ABCC4: variants seen among roughly 807,000 people sequenced by gnomAD.
The protein encoded by ABCC4 is ATP-binding cassette sub-family C member 4.
ABCC4 carries 102 observed loss-of-function variants against 168.5 expected under a neutral mutation model. The observed-to-expected ratio is 0.61, with a 90% CI of 0.52 to 0.71. ABCC4 has a LOEUF of 0.71. ABCC4 is among the 30% of genes least tolerant of loss of function. The pLI is 0.00. For synonymous variants in ABCC4, 617 were observed against 590.7 expected, an observed-to-expected ratio of 1.04 and a Z score of -0.65; for missense variants, 1,402 against 1,605.8, an observed-to-expected ratio of 0.87 and a Z score of 2.17.
At chr13:95,163,974 G>C (rs1162897651) in intron 16 of ABCC4, among the ~76,000 whole-genome samples, 1 of 148,492 alleles carries the variant, frequency 6.7e-6, no homozygotes, top group Non-Finnish European at 1.5e-5. Flanking sequence ...CCCAGAGGCA[G>C]AGGTTGAAGT....
intron 4 of ABCC4, among the ~76,000 whole-genome samples, chr13:95,214,203 G>A (rs954342412): frequency 1.4e-4 from 22 of 152,054 alleles, no homozygotes; most frequent in African/African-American, 4.8e-4. Flanking sequence ...TCCCAGAGTC[G>A]CTAACCCTTC....
At position 95,080,324 on chromosome 13, in the gene ABCC4, A is replaced by G. The variant is rs1279844525; in HGVS notation, c.2686+2816T>C. On this transcript the variant is annotated intron_variant, in intron 21 of 30. Transcript: ENST00000645237. ...CATTCCGGTTTTTATGTACTTCTCT[A>G]TGACTGACTGTTGATGTGGTGACTC... is the stretch of plus-strand genomic sequence containing the variant. Among the ~76,000 whole-genome samples the G allele has an allele frequency of 2.0e-5, 3 of 152,194 alleles. No individual in the cohort carries two copies. The South Asian group carries it at 6.2e-4, about 31-fold the overall frequency.
chr13:95,168,798 T>C (rs1001792247), intron 14 of ABCC4, among the ~76,000 whole-genome samples: 1 of 152,162 alleles, frequency 6.6e-6, no homozygotes, highest in African/African-American at 2.4e-5. Context: ...CTAACCTCCA[T>C]GTCCCCGGCC....
chr13:95,245,538 G>T (rs2040082698), intron 3 of ABCC4, among the ~76,000 whole-genome samples: 1 of 152,208 alleles, frequency 6.6e-6, no homozygotes, highest in Non-Finnish European at 1.5e-5. Context: ...GTTGAAGAGG[G>T]GCTGGGAGAA....
At chr13:95,296,174 ACAC>A (rs1566609458) in intron 1 of ABCC4, among the ~76,000 whole-genome samples, 6 of 85,692 alleles carry the variant, frequency 7.0e-5, no homozygotes, top group African/African-American at 2.4e-4. Context: ...ACACACACAC[ACAC>A]ACACACAAAA....
intron 8 of ABCC4, among the ~76,000 whole-genome samples, chr13:95,200,964 TGAAGGA>T (rs1231901457): frequency 3.9e-5 from 6 of 152,264 alleles, no homozygotes; most frequent in African/African-American, 1.4e-4. Context: ...AACACCACCA[TGAAGGA>T]GTTTACCATA....
At chr13:95,249,670 T>C (rs2040204922) in intron 1 of ABCC4, among the ~76,000 whole-genome samples, 1 of 152,304 alleles carries the variant, frequency 6.6e-6, no homozygotes, top group South Asian at 2.1e-4. Context: ...TTCCCAGACA[T>C]GCCTGAGATG....
chr13:95,133,416 T>C (rs2036041984), intron 19 of ABCC4, among the ~76,000 whole-genome samples: 1 of 152,004 alleles, frequency 6.6e-6, no homozygotes, highest in South Asian at 2.1e-4. Flanking sequence ...ACCCAGTCCC[T>C]AAAAACATTT....
chr13:95,188,105 C>T (rs1217384225), intron 10 of ABCC4, among the ~76,000 whole-genome samples: 1 of 152,186 alleles, frequency 6.6e-6, no homozygotes, highest in African/African-American at 2.4e-5. Context: ...TCATAACCTC[C>T]AGATGTCTTG....
chr13:95,290,129 T>TAGAC (rs1300233500), intron 1 of ABCC4, among the ~76,000 whole-genome samples: 1 of 151,228 alleles, frequency 6.6e-6, no homozygotes, highest in Non-Finnish European at 1.5e-5. Context: ...GATAGATAGA[T>TAGAC]AGATAGATAG....
intron 1 of ABCC4, among the ~76,000 whole-genome samples, chr13:95,288,733 A>C (rs2041321273): frequency 6.6e-6 from 1 of 152,080 alleles, no homozygotes. Context: ...TTGAACCCAG[A>C]AGGTGGAGGT....
chr13:95,209,127 A>AAATT (rs2038874953), intron 6 of ABCC4, among the ~76,000 whole-genome samples: 1 of 152,250 alleles, frequency 6.6e-6, no homozygotes, highest in Non-Finnish European at 1.5e-5. Flanking sequence ...ATTTCAATTT[A>AAATT]TCATTATTCA....
At chr13:95,277,818 C>T (rs4771911) in intron 1 of ABCC4, among the ~76,000 whole-genome samples, 121,685 of 152,060 alleles carry the variant, frequency 0.8, 49,755 homozygotes, top group Non-Finnish European at 0.88. Context: ...GATCACAAAA[C>T]GTGTCCCGCA....
chr13:95,151,056 T>C (rs1425723547), intron 19 of ABCC4, among the ~76,000 whole-genome samples: 3 of 152,234 alleles, frequency 2.0e-5, no homozygotes, highest in Non-Finnish European at 4.4e-5. Context: ...AGAAGACATA[T>C]CTGATGGAGC....
In ABCC4 at chr13:95,162,915, T is replaced by C. The variant is rs543857573; in HGVS notation, c.2308+207A>G. ...TCCTGGTTTAACTTTCAAAATCCAG[T>C]ACAGAGCAAATTAAGAGTCTTCAGT... On this transcript the variant is annotated intron_variant, in intron 18 of 30. Transcript: ENST00000645237. Among the ~76,000 whole-genome samples, 3 of 152,362 alleles carry C rather than the reference T, an allele frequency of 2.0e-5. No individual in the cohort carries two copies. The East Asian group carries it at 5.8e-4, about 29-fold the overall frequency.
At chr13:95,078,345 G>A (rs985178792) in intron 21 of ABCC4, among the ~76,000 whole-genome samples, 1 of 152,172 alleles carries the variant, frequency 6.6e-6, no homozygotes, top group African/African-American at 2.4e-5. Flanking sequence ...TCGGGAGGTG[G>A]AAGTTGCAGT....
intron 1 of ABCC4, among the ~76,000 whole-genome samples, chr13:95,248,152 G>A (rs186234220): frequency 1.3e-5 from 2 of 152,268 alleles, no homozygotes; most frequent in Admixed American, 6.5e-5. Flanking sequence ...CAAGAGGATG[G>A]GCCCAAAGAA....
intron 25 of ABCC4, among the ~76,000 whole-genome samples, chr13:95,063,442 T>C (rs1001238956): frequency 1.3e-5 from 2 of 152,206 alleles, no homozygotes; most frequent in Non-Finnish European, 2.9e-5. Flanking sequence ...AACTTCCAAA[T>C]ATTAAATATC....
intron 30 of ABCC4, among the ~76,000 whole-genome samples, chr13:95,029,167 CATATATATATATATATAT>C (rs67576340): frequency 0.025 from 2,054 of 82,852 alleles, 122 homozygotes; most frequent in African/African-American, 0.059. Flanking sequence ...AAAAAAAATA[CATATATATATATATATAT>C]ATATATATAT....
Sources: gnomAD v4.1 joint callset for allele counts (sites outside exome capture counted in the v4.1 genomes callset) on GRCh38, gnomAD v4.1.1 for gene constraint, MANE v1.5 for transcripts, NCBI Gene and HGNC (gene_info 2026-07-23, HGNC 2026-07-21) for gene names.